The following CCNT2 variants were observed in gnomAD, a reference collection of about 807,000 sequenced individuals.
The protein encoded by CCNT2 is cyclin T2, also known as cyclin-T2.
Under a neutral mutation model 70.0 loss-of-function variants are expected in CCNT2, and 18 were observed. The observed-to-expected ratio is 0.26, with a 90% confidence interval of 0.18 to 0.38. CCNT2 has a LOEUF of 0.38. Ranked by LOEUF, CCNT2 falls within the 10% of genes least tolerant of loss-of-function variation. CCNT2 has a pLI of 1.00. For synonymous variants in CCNT2, 334 were observed against 313.3 expected, an observed-to-expected ratio of 1.07 and a Z score of -0.70; for missense variants, 734 against 890.2, an observed-to-expected ratio of 0.82 and a Z score of 2.23.
At chr2:134,934,399 T>G (rs1681002372) in intron 2 of CCNT2, among the ~76,000 whole-genome samples, 1 of 152,224 alleles carries the variant, frequency 6.6e-6, no homozygotes. Flanking sequence ...CAGTGAATGT[T>G]TGTTGGCTTC....
chr2:134,933,662 A>G (rs969304687), intron 2 of CCNT2, among the ~76,000 whole-genome samples: 3 of 152,218 alleles, frequency 2.0e-5, no homozygotes, highest in Non-Finnish European at 4.4e-5. Flanking sequence ...GGACCCTCCA[A>G]GAATTAAGTT....
At chr2:134,941,714 T>C (rs1250225975) in intron 4 of CCNT2, among the ~76,000 whole-genome samples, 6 of 151,958 alleles carry the variant, frequency 3.9e-5, no homozygotes, top group Non-Finnish European at 8.8e-5. Context: ...CATAAATCAT[T>C]ATAAAATATT....
chr2:134,926,013 A>G (rs1048855945), intron 2 of CCNT2, among the ~76,000 whole-genome samples: 1 of 150,924 alleles, frequency 6.6e-6, no homozygotes, highest in Middle Eastern at 3.4e-3. Context: ...TTACAGGCAC[A>G]TGCCACCACA....
intron 2 of CCNT2, among the ~76,000 whole-genome samples, chr2:134,927,189 G>T (rs1318438876): frequency 1.3e-5 from 2 of 152,182 alleles, no homozygotes; most frequent in African/African-American, 2.4e-5. Context: ...TCCCCAGAAA[G>T]CTTTAAATGT....
In CCNT2 at chr2:134,957,363, AAAAT is replaced by A. The variant is rs1283996540; in HGVS notation, c.*2717_*2720del. 1 of 152,226 alleles carries A rather than the reference AAAAT, an allele frequency of 6.6e-6. No individual in the cohort carries two copies. The highest frequency in any genetic ancestry group is 6.5e-5 in the Admixed American group (1 of 15,282). 9.4% of individuals were successfully genotyped at this position (152,226 alleles called of 1,614,324 possible). A position where few individuals can be genotyped will look rare whatever the true frequency, so the allele number is the denominator to read the frequency against. On this transcript the variant is annotated 3_prime_UTR_variant, in exon 9 of 9. Coordinates refer to ENST00000264157, the MANE Select transcript of CCNT2 (RefSeq NM_058241.3). ...GATAACATTTTTGATGAGATTTAAA[AAAAT>A]ATTTGAAATATTAAAAAGCATTATC...
In CCNT2 at chr2:134,929,128, A is replaced by G. The variant is rs916036669; in HGVS notation, c.241-7713A>G. 1.2e-4 allele frequency among the ~76,000 whole-genome samples: 8 copies of G among 66,574 alleles called. No individual in the cohort carries two copies. The Admixed American group carries it at 1.2e-3, about 10-fold the overall frequency. The allele number at this position is 66,574 out of a possible 152,430, so 43.7% of individuals were successfully genotyped here. On this transcript the variant is annotated intron_variant, in intron 2 of 8. Transcript: ENST00000264157. ...TATAATTGCATAATGTAAATGCCAA[A>G]AAGTTATTTGCTGTTTAAGAAATTG...
At chr2:134,934,598 C>A (rs997917036) in intron 2 of CCNT2, among the ~76,000 whole-genome samples, 2 of 152,134 alleles carry the variant, frequency 1.3e-5, no homozygotes, top group Admixed American at 6.5e-5. Context: ...AAATATTTAT[C>A]TAAAAAGGTG....
chr2:134,930,237 G>A (rs1384856108), intron 2 of CCNT2, among the ~76,000 whole-genome samples: 1 of 152,184 alleles, frequency 6.6e-6, no homozygotes, highest in Non-Finnish European at 1.5e-5. Flanking sequence ...TCATATAAAT[G>A]GAATCATGTA....
chr2:134,948,568 G>A (rs974721914), intron 7 of CCNT2, among the ~76,000 whole-genome samples: 13 of 152,124 alleles, frequency 8.5e-5, no homozygotes, highest in Non-Finnish European at 7.4e-5. Context: ...GTGGGTGTGT[G>A]TTCTGTTAAT....
chr2:134,935,444 G>A (rs1015897299), intron 2 of CCNT2, among the ~76,000 whole-genome samples: 1 of 152,160 alleles, frequency 6.6e-6, no homozygotes, highest in African/African-American at 2.4e-5. Flanking sequence ...CATTTTAAAA[G>A]ATCTCATACT....
chr2:134,920,142 G>A (rs373678032), intron 2 of CCNT2: 1 of 342,010 alleles, frequency 2.9e-6, no homozygotes, highest in Admixed American at 4.8e-5. Flanking sequence ...TTTCTTTACA[G>A]AGTTATTACA....
At chr2:134,948,644 G>A (rs934988116) in intron 7 of CCNT2, among the ~76,000 whole-genome samples, 4 of 152,086 alleles carry the variant, frequency 2.6e-5, no homozygotes, top group South Asian at 2.1e-4. Flanking sequence ...AAAAGAAGCC[G>A]GCCAGAAATG....
chr2:134,952,476 A>T (rs1682594397), intron 7 of CCNT2, among the ~76,000 whole-genome samples, 165 bp from the exon 8 acceptor site: 1 of 152,182 alleles, frequency 6.6e-6, no homozygotes, highest in Non-Finnish European at 1.5e-5. Context: ...AGCTTTGAAA[A>T]TGCCGGTTGA....
Position 134,939,193 on chromosome 2 carries a change from G to T in CCNT2, c.430+131G>T, listed in dbSNP as rs45618431. ...TAAAACAGGTTTTAGACAGAATAAG[G>T]TTGCCTGGTTATAAGGAAATTACTT... On this transcript the variant is annotated intron_variant, in intron 4 of 8. Transcript: ENST00000264157. 4,385 of 635,680 alleles carry T rather than the reference G, an allele frequency of 6.9e-3. 147 individuals carry two copies. The African/African-American group carries it at 0.072, about 11-fold the overall frequency. 39.4% of individuals were successfully genotyped at this position (635,680 alleles called of 1,614,324 possible).
At chr2:134,952,289 CT>C (rs1265847757) in intron 7 of CCNT2, among the ~76,000 whole-genome samples, 3 of 152,102 alleles carry the variant, frequency 2.0e-5, no homozygotes, top group African/African-American at 7.2e-5. Flanking sequence ...CTTTTGTCCA[CT>C]AATTTTAAAG....
At chr2:134,936,740 G>A in intron 2 of CCNT2, 101 bp from the exon 3 acceptor site, 1 of 1,027,342 alleles carries the variant, frequency 9.7e-7, no homozygotes, top group South Asian at 1.6e-5. Context: ...GGCAACAGGA[G>A]CGAAACTCCA....
At chr2:134,946,792 GGAA>G (rs1682007770) in intron 6 of CCNT2, among the ~76,000 whole-genome samples, 1 of 151,616 alleles carries the variant, frequency 6.6e-6, no homozygotes, top group Non-Finnish European at 1.5e-5. Context: ...AAACTGAACT[GGAA>G]GAATAGTCTT....
At chr2:134,924,514 A>G (rs958683963) in intron 2 of CCNT2, among the ~76,000 whole-genome samples, 5 of 152,136 alleles carry the variant, frequency 3.3e-5, no homozygotes, top group African/African-American at 9.6e-5. Flanking sequence ...CAGTGGTGCA[A>G]TCTCGGCTCG....
At chr2:134,932,121 A>T (rs868114711) in intron 2 of CCNT2, among the ~76,000 whole-genome samples, 2 of 151,836 alleles carry the variant, frequency 1.3e-5, no homozygotes, top group South Asian at 2.1e-4. Flanking sequence ...AGTGGTTAGG[A>T]TTACAGGTGT....
Sources: allele counts gnomAD v4.1 joint callset (sites outside exome capture counted in the v4.1 genomes callset), GRCh38; gene constraint gnomAD v4.1.1; transcripts MANE v1.5; gene names NCBI Gene and HGNC (gene_info 2026-07-23, HGNC 2026-07-21).